The following NGLY1 variants were observed in gnomAD, a reference collection of about 807,000 sequenced individuals.
NGLY1 encodes N-glycanase 1, also known as peptide-N(4)-(N-acetyl-beta-glucosaminyl)asparagine amidase.
A neutral mutation model predicts 84.6 loss-of-function variants in NGLY1; 68 were observed. That is an observed-to-expected ratio of 0.80 (90% CI 0.66 to 0.98). NGLY1 has a LOEUF of 0.98. NGLY1 is among the 50% of genes least tolerant of loss of function. The pLI is 0.00. For synonymous variants in NGLY1, 280 were observed against 275.2 expected (o/e 1.02, Z -0.17); for missense variants, 779 against 770.2 (o/e 1.01, Z -0.14).
chr3:25,764,005 A>G, intron 3 of NGLY1, 61 bp downstream of exon 3: 1 of 1,581,582 alleles, frequency 6.3e-7, no homozygotes, highest in Non-Finnish European at 8.6e-7. Flanking sequence ...CACATTCCAA[A>G]GCTTTTGCTG....
intron 1 of NGLY1, among the ~76,000 whole-genome samples, chr3:25,778,909 C>T (rs1217251326): frequency 8.3e-6 from 1 of 119,886 alleles, no homozygotes; most frequent in Non-Finnish European, 1.8e-5. Flanking sequence ...GGTCTCGCTT[C>T]AGTTTAAGAT....
chr3:25,766,664 A>G (rs1707592262), intron 2 of NGLY1, among the ~76,000 whole-genome samples: 1 of 152,200 alleles, frequency 6.6e-6, no homozygotes, highest in South Asian at 2.1e-4. Context: ...GAGAAACCAG[A>G]CATCTGGTTT....
intron 10 of NGLY1, among the ~76,000 whole-genome samples, chr3:25,720,447 T>A (rs189890478): frequency 2.6e-5 from 4 of 152,332 alleles, no homozygotes; most frequent in African/African-American, 9.6e-5. Flanking sequence ...AAGGACTGCA[T>A]TCTAACCAAA....
At chr3:25,740,049 T>C (rs1429872993) in intron 4 of NGLY1, among the ~76,000 whole-genome samples, 1 of 152,180 alleles carries the variant, frequency 6.6e-6, no homozygotes, top group Non-Finnish European at 1.5e-5. Flanking sequence ...CATTATGCAT[T>C]AACAAGTGAG....
Position 25,778,649 on chromosome 3 carries a change from T to A in NGLY1, c.171A>T (p.Gly57=). 1 of 1,613,022 alleles carries A rather than the reference T, an allele frequency of 6.2e-7. No individual in the cohort carries two copies. Among genetic ancestry groups the A allele is most frequent in the Non-Finnish European group, 8.5e-7 (1 of 1,179,472 alleles). ...NDEKYRSIRI[G]NTAFSTRLLP... ...AGAGTCTAGTAGAAAAGGCTGTGTT[T>A]CCAATCCGGATGGATCTATATTTTT... Residue 57 remains glycine (G), a synonymous_variant, in exon 2 of 12, where the codon GGA becomes GGT. Coordinates refer to ENST00000280700, the MANE Select transcript of NGLY1 (RefSeq NM_018297.4).
upstream of NGLY1, chr3:25,783,531 GGGGCGGGGTCCTCGGCCGGC>G (rs1708526642): frequency 1.9e-6 from 1 of 527,850 alleles, no homozygotes; most frequent in Admixed American, 5.0e-5. The surrounding 1 kb of genome is among the most constrained non-coding windows in gnomAD (Gnocchi z 4.5). Flanking sequence ...TCGGCCGGCA[GGGGCGGGGTCCTCGGCCGGC>G]AGGGGCGGGG....
At chr3:25,731,032 C>T (rs1705512830) in intron 9 of NGLY1, among the ~76,000 whole-genome samples, 1 of 151,984 alleles carries the variant, frequency 6.6e-6, no homozygotes, top group Non-Finnish European at 1.5e-5. Flanking sequence ...AACTTTAGGA[C>T]CTACCTATGG....
intron 1 of NGLY1, among the ~76,000 whole-genome samples, chr3:25,780,069 A>G (rs1232268963): frequency 6.6e-6 from 1 of 152,264 alleles, no homozygotes; most frequent in East Asian, 1.9e-4. Context: ...TACAAAAGTT[A>G]TAGGTCCATA....
intron 2 of NGLY1, among the ~76,000 whole-genome samples, chr3:25,765,033 T>C (rs992846128): frequency 4.6e-5 from 7 of 152,128 alleles, no homozygotes; most frequent in Non-Finnish European, 7.4e-5. Flanking sequence ...CTACAACAAA[T>C]TCTATAATGT....
intron 10 of NGLY1, among the ~76,000 whole-genome samples, chr3:25,721,344 G>A (rs1323865203): frequency 2.0e-5 from 3 of 152,134 alleles, no homozygotes; most frequent in Non-Finnish European, 2.9e-5. Context: ...TACCGTGCCT[G>A]GCTCTGATCA....
intron 4 of NGLY1, among the ~76,000 whole-genome samples, chr3:25,747,008 G>T (rs537810282): frequency 6.8e-4 from 103 of 152,188 alleles, no homozygotes; most frequent in African/African-American, 2.1e-3. Flanking sequence ...GCTAATTTTT[G>T]CATTTTTAGT....
chr3:25,766,738 A>C (rs1278841432), intron 2 of NGLY1, among the ~76,000 whole-genome samples: 1 of 152,182 alleles, frequency 6.6e-6, no homozygotes, highest in Non-Finnish European at 1.5e-5. Flanking sequence ...AAAGGCAAAC[A>C]ACTCCATGGA....
At chr3:25,760,912 A>G in intron 3 of NGLY1, among the ~76,000 whole-genome samples, 1 of 125,742 alleles carries the variant, frequency 8.0e-6, no homozygotes, top group Admixed American at 8.9e-5. Context: ...AAAAAAAAAA[A>G]AAAAAAAAGC....
intron 10 of NGLY1, among the ~76,000 whole-genome samples, chr3:25,720,510 T>C (rs1385485784): frequency 6.6e-6 from 1 of 152,182 alleles, no homozygotes. Flanking sequence ...TTAAAATGAG[T>C]TTTATGACTA....
chr3:25,751,159 C>T lies in NGLY1; in HGVS notation c.597G>A (p.Pro199=), dbSNP rs369840629. The change falls in exon 4 of 12, where the codon CCG becomes CCA. Residue 199 remains proline (P), a synonymous_variant. Coordinates refer to ENST00000280700, the MANE Select transcript of NGLY1 (RefSeq NM_018297.4). The part of the protein sequence containing the change: ...ALQEKALACI[P]VQELKRKSQE... Reference sequence around the variant, plus strand: ...GTGATTTCCTTTTTAGTTCTTGGACCGGAATACAAGCCAACGCTTTCTCCT... The same window carrying T: ...GTGATTTCCTTTTTAGTTCTTGGACTGGAATACAAGCCAACGCTTTCTCCT... The T allele has an allele frequency of 1.2e-5, 19 of 1,613,286 alleles. No homozygotes were observed. The highest frequency in any genetic ancestry group is 5.0e-5 in the Admixed American group (3 of 59,908).
intron 3 of NGLY1, 150 bp downstream of exon 3, chr3:25,763,916 A>G (rs947408862): frequency 7.2e-5 from 72 of 1,002,926 alleles, no homozygotes; most frequent in Non-Finnish European, 9.9e-5. Context: ...TTTTTTAAAG[A>G]GCTGAAGAAA....
chr3:25,720,909 G>A (rs1704953793), intron 10 of NGLY1, among the ~76,000 whole-genome samples: 1 of 152,044 alleles, frequency 6.6e-6, no homozygotes, highest in African/African-American at 2.4e-5. Flanking sequence ...AGACTCTGAC[G>A]CTTCAGTCGT....
intron 10 of NGLY1, 28 bp downstream of exon 10, chr3:25,729,105 T>G (rs768854294): frequency 7.4e-7 from 1 of 1,350,282 alleles, no homozygotes; most frequent in Non-Finnish European, 9.7e-7. Flanking sequence ...ATGACAAAAG[T>G]TTTAAATGGT....
chr3:25,753,182 A>C (rs925801689), intron 3 of NGLY1, among the ~76,000 whole-genome samples: 12 of 152,238 alleles, frequency 7.9e-5, no homozygotes, highest in Non-Finnish European at 1.3e-4. Context: ...TCTTCAAGTA[A>C]GAAGAAACAT....
Sources: gnomAD v4.1 joint callset for allele counts (sites outside exome capture counted in the v4.1 genomes callset) on GRCh38, gnomAD v4.1.1 for gene constraint, Gnocchi (gnomAD v3.1) non-coding constraint, MANE v1.5 for transcripts, NCBI Gene and HGNC (gene_info 2026-07-23, HGNC 2026-07-21) for gene names.